The following KIF26B variants were observed in gnomAD, a reference collection of about 807,000 sequenced individuals.
The protein encoded by KIF26B is kinesin family member 26B.
Under a neutral mutation model 151.2 loss-of-function variants are expected in KIF26B, and 63 were observed. The ratio of observed to expected loss-of-function variants is 0.42; its 90% confidence interval spans 0.34 to 0.51. The LOEUF is 0.51. Ranked by LOEUF, KIF26B falls within the 20% of genes least tolerant of loss-of-function variation. KIF26B has a pLI of 0.07. For synonymous variants in KIF26B, 1,357 were observed against 1,262.1 expected (o/e 1.08, Z -1.59); for missense variants, 2,813 against 2,913.6 (o/e 0.97, Z 0.79).
chr1:245,590,385 CTAAA>C (rs1301825818), intron 5 of KIF26B, among the ~76,000 whole-genome samples: 1 of 152,206 alleles, frequency 6.6e-6, no homozygotes, highest in East Asian at 1.9e-4. Flanking sequence ...CTGAACACAT[CTAAA>C]AAAATTCTAA....
intron 3 of KIF26B, among the ~76,000 whole-genome samples, chr1:245,405,571 C>A (rs940399363): frequency 6.6e-6 from 1 of 151,748 alleles, no homozygotes; most frequent in Non-Finnish European, 1.5e-5. Flanking sequence ...CTCTCCCTCT[C>A]TGTATTTCTA....
chr1:245,555,777 A>C (rs1237218584), intron 5 of KIF26B, among the ~76,000 whole-genome samples: 2 of 152,116 alleles, frequency 1.3e-5, no homozygotes, highest in East Asian at 3.9e-4. Flanking sequence ...AGTGCCAGGG[A>C]GGAGGGGAGC....
chr1:245,190,634 G>GTTTTTTTTTTTTTTTTTTTTTT (rs149338802), intron 2 of KIF26B, among the ~76,000 whole-genome samples: 1 of 106,856 alleles, frequency 9.4e-6, no homozygotes, highest in Non-Finnish European at 2.2e-5. Context: ...TGAATGTTTT[G>GTTTTTTTTTTTTTTTTTTTTTT]TTTTGTTTTT....
At chr1:245,356,145 G>A (rs1265808159) in intron 2 of KIF26B, among the ~76,000 whole-genome samples, 2 of 152,176 alleles carry the variant, frequency 1.3e-5, no homozygotes, top group Non-Finnish European at 2.9e-5. Flanking sequence ...ACAGGCCCTA[G>A]AGGCTTTTCT....
intron 3 of KIF26B, among the ~76,000 whole-genome samples, chr1:245,374,358 G>C (rs1673222374): frequency 6.6e-6 from 1 of 151,486 alleles, no homozygotes; most frequent in Middle Eastern, 3.2e-3. Flanking sequence ...TTGTGGCTTC[G>C]TGGAAAGCAG....
At chr1:245,158,442 A>G (rs112297053) in intron 2 of KIF26B, among the ~76,000 whole-genome samples, 154 of 151,340 alleles carry the variant, frequency 1.0e-3, no homozygotes, top group African/African-American at 3.4e-3. Context: ...GCAGCTCAAT[A>G]TATTTGCCAA....
intron 2 of KIF26B, among the ~76,000 whole-genome samples, chr1:245,365,518 C>CCCT (rs1415848628): frequency 6.6e-6 from 1 of 151,092 alleles, no homozygotes; most frequent in African/African-American, 2.5e-5. Flanking sequence ...ACAACTCCCC[C>CCCT]CCACCAGCCT....
intron 4 of KIF26B, among the ~76,000 whole-genome samples, chr1:245,483,316 C>T (rs1660208046): frequency 6.6e-6 from 1 of 151,880 alleles, no homozygotes; most frequent in Admixed American, 6.6e-5. Context: ...CTAGTGTCCT[C>T]ATGCATAGAT....
intron 9 of KIF26B, among the ~76,000 whole-genome samples, chr1:245,630,123 C>T (rs565843524): frequency 1.8e-4 from 27 of 152,250 alleles, no homozygotes; most frequent in Non-Finnish European, 3.4e-4. Flanking sequence ...AACGCTTTCA[C>T]ATTGTTGGTG....
chr1:245,529,326 A>G (rs994201903), intron 4 of KIF26B, among the ~76,000 whole-genome samples: 1 of 152,192 alleles, frequency 6.6e-6, no homozygotes, highest in African/African-American at 2.4e-5. Context: ...TCATTGCAGC[A>G]GCTTCACCAA....
chr1:245,546,673 A>T (rs1392364387), intron 5 of KIF26B, among the ~76,000 whole-genome samples: 1 of 152,232 alleles, frequency 6.6e-6, no homozygotes, highest in African/African-American at 2.4e-5. Flanking sequence ...AGATCCCACT[A>T]CACTCACAAC....
chr1:245,203,239 T>C, intron 2 of KIF26B, among the ~76,000 whole-genome samples: 1 of 1,802 alleles, frequency 5.5e-4, no homozygotes. Context: ...AGAGCGCGAC[T>C]CTGTCTCAAA....
chr1:245,645,984 T>C, intron 9 of KIF26B, 137 bp from the exon 10 acceptor site: 1 of 875,564 alleles, frequency 1.1e-6, no homozygotes, highest in African/African-American at 1.7e-5. Flanking sequence ...TTTCTGGGGT[T>C]TCCTAGTAGG....
intron 4 of KIF26B, among the ~76,000 whole-genome samples, chr1:245,444,864 CGT>C (rs1358422854): frequency 6.6e-6 from 1 of 152,152 alleles, no homozygotes; most frequent in East Asian, 1.9e-4. Context: ...CCAAAATCCA[CGT>C]GTGTCTTTCT....
At chr1:245,171,195 C>A (rs779683266) in intron 2 of KIF26B, among the ~76,000 whole-genome samples, 6 of 152,200 alleles carry the variant, frequency 3.9e-5, no homozygotes, top group Non-Finnish European at 7.3e-5. Flanking sequence ...GTTAAGAGCA[C>A]CTCTTCAGCA....
chr1:245,215,592 C>T (rs1358268967), intron 2 of KIF26B, among the ~76,000 whole-genome samples: 1 of 152,172 alleles, frequency 6.6e-6, no homozygotes, highest in Admixed American at 6.5e-5. Flanking sequence ...AACATAGATT[C>T]ATTCCATGTC....
At chr1:245,310,819 C>T (rs780896735) in intron 2 of KIF26B, among the ~76,000 whole-genome samples, 71 of 152,104 alleles carry the variant, frequency 4.7e-4, no homozygotes, top group Non-Finnish European at 1.9e-4. Context: ...CCCGCTGGGC[C>T]GGCACTGTGG....
chr1:245,619,006 A>G lies in KIF26B; in HGVS notation c.2098+7030A>G, dbSNP rs567446615. ...CAGTGTCCAAGCCCTATTAGACTAT[A>G]GGTTCCTTGAGACAGAGTGCCACAG... On this transcript the variant is annotated intron_variant, in intron 9 of 14. Coordinates refer to ENST00000407071, the MANE Select transcript of KIF26B (RefSeq NM_018012.4). Among the ~76,000 whole-genome samples, 7 of 141,760 alleles carry G rather than the reference A, an allele frequency of 4.9e-5. No individual in the cohort carries two copies. In the East Asian group the frequency reaches 1.5e-3, roughly 30 times the overall value. 93.0% of individuals were successfully genotyped at this position (141,760 alleles called of 152,430 possible).
intron 2 of KIF26B, among the ~76,000 whole-genome samples, chr1:245,180,605 AG>A (rs372474607): frequency 1.1e-3 from 168 of 151,806 alleles, no homozygotes; most frequent in African/African-American, 3.9e-3. Context: ...CCTTTAAGAG[AG>A]GGGATTTGTG....
Sources: gnomAD v4.1 joint callset for allele counts (sites outside exome capture counted in the v4.1 genomes callset) on GRCh38, gnomAD v4.1.1 for gene constraint, MANE v1.5 for transcripts, NCBI Gene and HGNC (gene_info 2026-07-23, HGNC 2026-07-21) for gene names.